AP3B2: variants seen among roughly 807,000 people sequenced by gnomAD.
AP3B2 encodes the protein adaptor related protein complex 3 subunit beta 2, also known as AP-3 complex subunit beta-2.
Under a neutral mutation model 126.9 loss-of-function variants are expected in AP3B2, and 50 were observed. The ratio of observed to expected loss-of-function variants is 0.39; its 90% CI spans 0.31 to 0.50. The LOEUF (loss-of-function observed/expected upper bound fraction) is 0.50. Ranked by LOEUF, AP3B2 falls within the 20% of genes least tolerant of loss-of-function variation. The pLI, the probability that AP3B2 is intolerant of heterozygous loss-of-function variation, is 0.79. For synonymous variants in AP3B2, 541 were observed against 565.0 expected, an observed-to-expected ratio of 0.96 and a Z score of 0.60; for missense variants, 1,177 against 1,426.4, an observed-to-expected ratio of 0.83 and a Z score of 2.82.
At chr15:82,671,804 G>A (rs1327572033) in intron 14 of AP3B2, among the ~76,000 whole-genome samples, 3 of 151,248 alleles carry the variant, frequency 2.0e-5, no homozygotes, top group Non-Finnish European at 2.9e-5. Flanking sequence ...AGCACTTTGG[G>A]AGGCCGAGTC....
chr15:82,689,013 A>G, intron 3 of AP3B2, 145 bp downstream of exon 3: 2 of 1,052,264 alleles, frequency 1.9e-6, no homozygotes, highest in Non-Finnish European at 1.4e-6. Flanking sequence ...GTTCAGGGAC[A>G]TGGAGACAGT....
rs2151449523 is a variant in AP3B2 at position 82,689,449 on chromosome 15, C to T, written c.118G>A (p.Asp40Asn). 6.2e-7 allele frequency: 1 copy of T among 1,613,384 alleles called. No individual in the cohort carries two copies. The change falls in exon 2 of 27, where the codon GAT becomes AAT. Residue 40 changes from aspartate (D) to asparagine (N), a missense_variant. Physicochemically the swap from Asp to Asn is conservative, Grantham distance 23 (BLOSUM62 1). Transcript: ENST00000535359. ...GIFSSDYKRH[D>N]DLKEMLDTNK... ...GTGTCCAGCATCTCCTTCAGGTCAT[C>T]ATGCCTGGTGGGAGGTACAAGAAGT...
chr15:82,696,316 G>A (rs1289213887), intron 1 of AP3B2, among the ~76,000 whole-genome samples: 2 of 152,126 alleles, frequency 1.3e-5, no homozygotes, highest in East Asian at 3.9e-4. Context: ...GGTGGCTCAC[G>A]CTTGTAATTC....
intron 4 of AP3B2, chr15:82,685,292 G>A (rs1407522518): frequency 6.6e-6 from 1 of 152,188 alleles, no homozygotes; most frequent in Non-Finnish European, 1.5e-5. Flanking sequence ...AGACTTGATT[G>A]ATGTAGGGTT....
intron 14 of AP3B2, among the ~76,000 whole-genome samples, chr15:82,674,894 TG>T (rs1255341979): frequency 6.6e-6 from 1 of 151,230 alleles, no homozygotes; most frequent in African/African-American, 2.4e-5. Flanking sequence ...AGTGACAACT[TG>T]GGGGAAATGA....
intron 14 of AP3B2, among the ~76,000 whole-genome samples, chr15:82,675,927 A>C (rs1448189804): frequency 6.6e-6 from 1 of 152,110 alleles, no homozygotes; most frequent in Non-Finnish European, 1.5e-5. Flanking sequence ...GAGGCTCTGA[A>C]CACCCTGATA....
At chr15:82,666,562 T>C (rs1258789537) in intron 15 of AP3B2, among the ~76,000 whole-genome samples, 185 bp downstream of exon 15, 2 of 152,006 alleles carry the variant, frequency 1.3e-5, no homozygotes. Flanking sequence ...ATGCTGGCAG[T>C]GGTTATGGGA....
intron 25 of AP3B2, 93 bp from the exon 26 acceptor site, chr15:82,660,076 T>C (rs1304861725): frequency 6.8e-7 from 1 of 1,472,624 alleles, no homozygotes; most frequent in African/African-American, 1.4e-5. Context: ...TCTCCCAGGC[T>C]GGGAAGGTAT....
chr15:82,666,665 G>C, intron 15 of AP3B2, 82 bp downstream of exon 15: 1 of 1,463,476 alleles, frequency 6.8e-7, no homozygotes, highest in Non-Finnish European at 9.2e-7. Context: ...CTGGCTAGGG[G>C]CCTCAGGAAG....
intron 1 of AP3B2, among the ~76,000 whole-genome samples, chr15:82,694,361 C>T (rs1006524638): frequency 6.6e-6 from 1 of 150,854 alleles, no homozygotes; most frequent in Non-Finnish European, 1.5e-5. Context: ...AAAAATAAGG[C>T]AACTATACTA....
At chr15:82,673,106 C>A (rs184478458) in intron 14 of AP3B2, among the ~76,000 whole-genome samples, 9 of 152,154 alleles carry the variant, frequency 5.9e-5, no homozygotes, top group African/African-American at 2.2e-4. Context: ...AGAAAATAAA[C>A]GTGTGTTGTT....
At chr15:82,694,557 T>A (rs1388491773) in intron 1 of AP3B2, among the ~76,000 whole-genome samples, 1 of 151,988 alleles carries the variant, frequency 6.6e-6, no homozygotes, top group Non-Finnish European at 1.5e-5. Context: ...TGGTGGCACA[T>A]GCCTGTAGTC....
Position 82,664,458 on chromosome 15 carries a change from TCTTA to T in AP3B2, c.2166_2169del (p.Ser722ArgfsTer72). 1 of 1,613,910 alleles carries T rather than the reference TCTTA, an allele frequency of 6.2e-7. No individual in the cohort carries two copies. Reference sequence around the variant, plus strand: ...TCCCCAGAGCCGCTCTCACTGCTGCTCTTACTGTCCGATTCACTCTCAGACTCAG... The same window carrying T: ...TCCCCAGAGCCGCTCTCACTGCTGCTCTGTCCGATTCACTCTCAGACTCAG... On this transcript the variant is annotated frameshift_variant, in exon 19 of 27. Transcript: ENST00000535359. LOFTEE classifies it high-confidence loss of function. This position sits in a 1 kb window ranked among gnomAD's most constrained non-coding sequence, Gnocchi z 4.5.
intron 14 of AP3B2, among the ~76,000 whole-genome samples, chr15:82,671,795 G>A (rs1436765839): frequency 3.3e-5 from 5 of 150,824 alleles, no homozygotes; most frequent in African/African-American, 9.8e-5. Flanking sequence ...TGTAATCCCA[G>A]CACTTTGGGA....
At chr15:82,704,669 T>C (rs929534835) in intron 1 of AP3B2, among the ~76,000 whole-genome samples, 3 of 152,264 alleles carry the variant, frequency 2.0e-5, no homozygotes, top group Non-Finnish European at 2.9e-5. Context: ...CCTGGAACTC[T>C]GGCCCAAGGC....
At chr15:82,705,465 C>G (rs1004914127) in intron 1 of AP3B2, among the ~76,000 whole-genome samples, 3 of 152,120 alleles carry the variant, frequency 2.0e-5, no homozygotes, top group African/African-American at 2.4e-5. Context: ...TACCTCCCTC[C>G]ACAACCCCTC....
intron 4 of AP3B2, chr15:82,688,075 G>A: frequency 5.2e-6 from 1 of 191,206 alleles, no homozygotes; most frequent in Non-Finnish European, 1.1e-5. Flanking sequence ...CTGCACTCCA[G>A]CCTGGGCAAC....
chr15:82,663,399 G>C, intron 21 of AP3B2, 161 bp downstream of exon 21: 2 of 1,003,530 alleles, frequency 2.0e-6, no homozygotes, highest in Non-Finnish European at 3.1e-6. Context: ...CCCCAGACCT[G>C]GGGAGGTCAG....
rs529514879 is a variant in AP3B2, at chr15:82,667,209, T to C, written c.1666-276A>G. 4.1e-4 allele frequency among the ~76,000 whole-genome samples: 62 copies of C among 152,310 alleles called. 1 individual carries two copies. Among genetic ancestry groups the C allele is most frequent in the African/African-American group, 1.4e-3 (57 of 41,570 alleles). ...TTTGGACTTTCCCCACTCCTGGCTC[T>C]GGACTCCATTCTTCCCTAGATTTGT... On this transcript the variant is annotated intron_variant, in intron 14 of 26. Coordinates refer to ENST00000535359, the MANE Select transcript of AP3B2 (RefSeq NM_001278512.2).
Sources: gnomAD v4.1 joint callset for allele counts (sites outside exome capture counted in the v4.1 genomes callset) on GRCh38, gnomAD v4.1.1 for gene constraint, Gnocchi (gnomAD v3.1) non-coding constraint, MANE v1.5 for transcripts, NCBI Gene and HGNC (gene_info 2026-07-23, HGNC 2026-07-21) for gene names.